SF3A2: variants seen among roughly 807,000 people sequenced by gnomAD.
SF3A2 encodes the protein splicing factor 3a subunit 2.
A neutral mutation model predicts 31.1 loss-of-function variants in SF3A2; 5 were observed. The observed-to-expected ratio is 0.16, with a 90% CI of 0.08 to 0.34. The LOEUF is 0.34. Among genes scored for constraint, SF3A2 ranks in the 10% least tolerant of loss-of-function variants. The pLI, the probability that SF3A2 is intolerant of heterozygous loss-of-function variation, is 1.00. For missense variants in SF3A2, 577 were observed against 643.9 expected, an observed-to-expected ratio of 0.90 and a Z score of 1.13; for synonymous variants, 365 against 263.7, an observed-to-expected ratio of 1.38 and a Z score of -3.72.
intron 1 of SF3A2, among the ~76,000 whole-genome samples, chr19:2,242,391 G>C (rs1990214): frequency 0.87 from 132,715 of 152,220 alleles, 58,094 homozygotes; most frequent in Non-Finnish European, 0.91. Flanking sequence ...GCACCTGTGT[G>C]CCTTGCCTCG....
chr19:2,244,368 C>T (rs1394978318), intron 2 of SF3A2, among the ~76,000 whole-genome samples, 176 bp from the exon 3 acceptor site: 1 of 152,234 alleles, frequency 6.6e-6, no homozygotes, highest in Non-Finnish European at 1.5e-5. Flanking sequence ...TCACGAAGGC[C>T]TCCCGCTGGA....
At chr19:2,242,450 C>T (rs2024899481) in intron 1 of SF3A2, among the ~76,000 whole-genome samples, 3 of 152,182 alleles carry the variant, frequency 2.0e-5, no homozygotes, top group Admixed American at 1.3e-4. Context: ...CTCTGACTCT[C>T]AGCCTCCCGC....
intron 1 of SF3A2, 144 bp downstream of exon 1, chr19:2,237,045 GCGTC>G (rs950449255): frequency 9.2e-5 from 14 of 151,532 alleles, no homozygotes; most frequent in African/African-American, 3.4e-4. Flanking sequence ...CCTCCCGTGA[GCGTC>G]CGGCCTTGTG....
intron 4 of SF3A2, 160 bp downstream of exon 4, chr19:2,244,939 G>A (rs1599653185): frequency 1.5e-6 from 1 of 650,754 alleles, no homozygotes; most frequent in African/African-American, 1.8e-5. Context: ...GAGAACAGAG[G>A]CATGGATGGC....
In SF3A2 at chr19:2,247,853, A is replaced by G. The variant is rs1187356387; in HGVS notation, c.702A>G (p.Pro234=). ...GCCCCCCTGGGGTGAAGCGGCCTCC[A>G]CCCCCGCTGATGAACGGTCTGCCCC... The part of the protein sequence containing the change: ...PAGPPGVKRP[P]PPLMNGLPPR... Residue 234 remains proline, a synonymous_variant, in exon 9 of 9, where the codon CCA becomes CCG. Coordinates refer to ENST00000221494, the MANE Select transcript of SF3A2 (RefSeq NM_007165.5). 6.7e-7 allele frequency: 1 copy of G among 1,482,226 alleles called. No homozygotes were observed. Among genetic ancestry groups the G allele is most frequent in the African/African-American group, 1.6e-5 (1 of 63,094 alleles). 91.8% of individuals were successfully genotyped at this position (1,482,226 alleles called of 1,614,324 possible).
rs1028269520 is a variant in SF3A2 at position 2,246,672 on chromosome 19, G to C, written c.356-81G>C. ...TCCCCCGGGGTCCCGCTCTCGTTCA[G>C]TGGGTGGCATTAGCCTGCCCCAGGT... On this transcript the variant is annotated intron_variant, in intron 5 of 8. Coordinates refer to ENST00000221494, the MANE Select transcript of SF3A2 (RefSeq NM_007165.5). The surrounding 1 kb of genome is among the most constrained non-coding windows in gnomAD (Gnocchi z 5.5). 2.8e-5 allele frequency: 44 copies of C among 1,553,886 alleles called. No individual in the cohort carries two copies. The highest frequency in any genetic ancestry group is 5.2e-5 in the Admixed American group (3 of 58,150).
In SF3A2 at chr19:2,247,940, C is replaced by G; in HGVS notation, c.789C>G (p.Pro263=). The G allele has an allele frequency of 6.7e-7, 1 of 1,495,882 alleles. No individual in the cohort carries two copies. The highest frequency in any genetic ancestry group is 9.1e-7 in the Non-Finnish European group (1 of 1,094,144). 92.7% of individuals were successfully genotyped at this position (1,495,882 alleles called of 1,614,324 possible). ...PPPPGGLPLP[P]MPPTGPAPSG... is the part of the protein sequence containing the mutation. ...CGCCAGGAGGCCTGCCTCTGCCACC[C>G]ATGCCCCCCACAGGGCCTGCGCCCT... Residue 263 remains proline, a synonymous_variant, in exon 9 of 9, where the codon CCC becomes CCG. Transcript: ENST00000221494.
rs1481292825 is a variant in SF3A2, at chr19:2,248,524, C to T, written c.1373C>T (p.Pro458Leu). The change falls in exon 9 of 9, where the codon CCT becomes CTT. Residue 458 changes from proline to leucine, a missense_variant. Physicochemically the swap from Pro to Leu is moderately conservative, Grantham distance 98 (BLOSUM62 -3). Around this residue, in one of 6 missense-constraint regions of SF3A2, gnomAD observed 462 missense variants for 339.1 expected, o/e 1.36. Transcript: ENST00000221494. Reference protein sequence around the residue: ...PLPSEGPGNIPPPPPTN With the variant: ...PLPSEGPGNILPPPPTN ...CCCTCCGAAGGCCCAGGGAACATAC[C>T]TCCCCCTCCCCCAACCAACTGAGAA... 22 of 1,142,946 alleles carry T rather than the reference C, an allele frequency of 1.9e-5. 1 individual carries two copies. The highest frequency in any genetic ancestry group is 3.2e-5 in the African/African-American group (2 of 61,738). 70.8% of individuals were successfully genotyped at this position (1,142,946 alleles called of 1,614,324 possible).
chr19:2,238,808 T>C (rs1383651795), intron 1 of SF3A2, among the ~76,000 whole-genome samples: 1 of 152,154 alleles, frequency 6.6e-6, no homozygotes, highest in South Asian at 2.1e-4. Context: ...CTTATCCTCC[T>C]CCTCCAAATG....
At chr19:2,242,423 C>T (rs958275494) in intron 1 of SF3A2, among the ~76,000 whole-genome samples, 1 of 152,206 alleles carries the variant, frequency 6.6e-6, no homozygotes, top group African/African-American at 2.4e-5. Flanking sequence ...TCCCCATTCA[C>T]AGCCACAGCG....
rs969388990 is a variant in SF3A2 at position 2,248,616 on chromosome 19, T to C, written c.*70T>C. The C allele has an allele frequency of 9.3e-6, 4 of 428,026 alleles. No homozygotes were observed. The highest frequency in any genetic ancestry group is 1.6e-5 in the Non-Finnish European group (4 of 245,614). The allele number at this position is 428,026 out of a possible 1,614,324, so 26.5% of individuals were successfully genotyped here. ...CCTTTTCCCACTGAGAGAAGGCTGCTCTTTTGTACTGCCCCCCGCTCATTA... is the reference window on the plus strand; with the variant it reads ...CCTTTTCCCACTGAGAGAAGGCTGCCCTTTTGTACTGCCCCCCGCTCATTA... On this transcript the variant is annotated 3_prime_UTR_variant, in exon 9 of 9. Transcript: ENST00000221494.
At chr19:2,240,151 G>A (rs755835666) in intron 1 of SF3A2, among the ~76,000 whole-genome samples, 1 of 152,180 alleles carries the variant, frequency 6.6e-6, no homozygotes, top group African/African-American at 2.4e-5. Flanking sequence ...TTCCTCTGGC[G>A]CTGTTTCCCC....
At position 2,245,512 on chromosome 19, in the gene SF3A2, G is replaced by A. The variant is rs2024924176; in HGVS notation, c.312G>A (p.Val104=). ...PAQPAPEKVK[V]EVKKFVKIGR... is the part of the protein sequence containing the mutation. ...AGCCCGCGCCTGAGAAGGTCAAGGTGGAGGTGAAGAAGTTTGTGAAGATCG... is the reference window on the plus strand; with the variant it reads ...AGCCCGCGCCTGAGAAGGTCAAGGTAGAGGTGAAGAAGTTTGTGAAGATCG... The change falls in exon 5 of 9, where the codon GTG becomes GTA. Residue 104 remains valine, a synonymous_variant. Coordinates refer to ENST00000221494, the MANE Select transcript of SF3A2 (RefSeq NM_007165.5). The surrounding 1 kb of genome is among the most constrained non-coding windows in gnomAD (Gnocchi z 4.2). 1 of 1,551,242 alleles carries A rather than the reference G, an allele frequency of 6.4e-7. No individual in the cohort carries two copies. The highest frequency in any genetic ancestry group is 8.7e-7 in the Non-Finnish European group (1 of 1,146,944).
chr19:2,244,692 C>T (rs2024917584), intron 3 of SF3A2, 41 bp from the exon 4 acceptor site: 1 of 1,612,974 alleles, frequency 6.2e-7, no homozygotes, highest in Admixed American at 1.7e-5. Context: ...CTGTGTCTGT[C>T]CGCCCGGCCT....
intron 2 of SF3A2, among the ~76,000 whole-genome samples, 191 bp from the exon 3 acceptor site, chr19:2,244,353 C>T (rs577767756): frequency 5.3e-5 from 8 of 152,324 alleles, no homozygotes; most frequent in East Asian, 1.9e-4. Context: ...TGGTGACACC[C>T]GTGCTCACGA....
At chr19:2,238,788 C>T (rs1396853765) in intron 1 of SF3A2, among the ~76,000 whole-genome samples, 1 of 152,216 alleles carries the variant, frequency 6.6e-6, no homozygotes, top group African/African-American at 2.4e-5. Flanking sequence ...CCACTTCCCT[C>T]CAAGACCCCC....
At chr19:2,241,201 C>T (rs899924444) in intron 1 of SF3A2, among the ~76,000 whole-genome samples, 8 of 152,126 alleles carry the variant, frequency 5.3e-5, no homozygotes, top group Non-Finnish European at 1.0e-4. Context: ...CGCTTGATGA[C>T]GCCCCGAGAT....
chr19:2,238,969 G>T (rs2024864919), intron 1 of SF3A2, among the ~76,000 whole-genome samples: 1 of 152,192 alleles, frequency 6.6e-6, no homozygotes, highest in Non-Finnish European at 1.5e-5. Flanking sequence ...AGAAACAGAT[G>T]ATTTTTTTCG....
At chr19:2,238,353 T>C (rs2145004891) in intron 1 of SF3A2, among the ~76,000 whole-genome samples, 1 of 152,296 alleles carries the variant, frequency 6.6e-6, no homozygotes, top group Non-Finnish European at 1.5e-5. Context: ...GATGGGGTTT[T>C]ACCAGGTTGG....
Sources: allele counts gnomAD v4.1 joint callset (sites outside exome capture counted in the v4.1 genomes callset), GRCh38; gene constraint gnomAD v4.1.1; regional missense constraint gnomAD v4.1.1; non-coding constraint Gnocchi (gnomAD v3.1); transcripts MANE v1.5; gene names NCBI Gene and HGNC (gene_info 2026-07-23, HGNC 2026-07-21).